ASNS: variants seen among roughly 807,000 people sequenced by gnomAD.
ASNS encodes asparagine synthetase (glutamine-hydrolyzing), also known as asparagine synthetase [glutamine-hydrolyzing].
A neutral mutation model predicts 62.6 loss-of-function variants in ASNS; 37 were observed. The observed-to-expected ratio is 0.59, with a 90% CI of 0.45 to 0.78. ASNS has a LOEUF of 0.78. Ranked by LOEUF, ASNS falls within the 30% of genes least tolerant of loss-of-function variation. ASNS has a pLI of 0.00. For synonymous variants in ASNS, 207 were observed against 237.9 expected (o/e 0.87, Z 1.19); for missense variants, 520 against 682.4 (o/e 0.76, Z 2.65).
At chr7:97,853,606 AAACT>A (rs1159326105) in intron 10 of ASNS, among the ~76,000 whole-genome samples, 3 of 152,210 alleles carry the variant, frequency 2.0e-5, no homozygotes, top group African/African-American at 7.2e-5. Flanking sequence ...CTAGGGAGTA[AAACT>A]AACTGAGACT....
At chr7:97,927,532 C>G in the ASNS span, among the ~76,000 whole-genome samples, 14 of 152,362 alleles carry the variant, frequency 9.2e-5, no homozygotes, top group East Asian at 2.3e-3. Context: ...GACTCGCGTT[C>G]CCAAGGTCCC....
chr7:97,858,515 A>G (rs1791566315), intron 6 of ASNS, 110 bp from the exon 7 acceptor site: 1 of 1,379,980 alleles, frequency 7.2e-7, no homozygotes, highest in Non-Finnish European at 9.8e-7. Context: ...TACTATTTAA[A>G]ATCCGCCAAG....
the ASNS span, among the ~76,000 whole-genome samples, chr7:97,925,083 G>T: frequency 6.6e-6 from 1 of 152,200 alleles, no homozygotes; most frequent in African/African-American, 2.4e-5. Context: ...GTTGCAGTGA[G>T]CAGAGATCAT....
the ASNS span, among the ~76,000 whole-genome samples, chr7:97,882,760 T>C: frequency 6.6e-6 from 1 of 151,580 alleles, no homozygotes; most frequent in Non-Finnish European, 1.5e-5. Context: ...TAATGGAAAA[T>C]AAGGTTGTGT....
At chr7:97,903,242 GT>G in the ASNS span, among the ~76,000 whole-genome samples, 116,612 of 142,772 alleles carry the variant, frequency 0.82, 47,728 homozygotes, top group East Asian at 0.91. Flanking sequence ...AAGATCCAGA[GT>G]TTTTTTTTTT....
At chr7:97,912,111 C>A in the ASNS span, among the ~76,000 whole-genome samples, 2 of 152,146 alleles carry the variant, frequency 1.3e-5, no homozygotes, top group South Asian at 4.1e-4. Flanking sequence ...GCAAGTTTAG[C>A]GCAATGCAGC....
At chr7:97,886,936 C>T in the ASNS span, among the ~76,000 whole-genome samples, 1 of 152,088 alleles carries the variant, frequency 6.6e-6, no homozygotes, top group Non-Finnish European at 1.5e-5. Context: ...ACTGAGTGCC[C>T]CCCACATAGA....
At chr7:97,904,685 T>G in the ASNS span, among the ~76,000 whole-genome samples, 1 of 151,268 alleles carries the variant, frequency 6.6e-6, no homozygotes, top group Non-Finnish European at 1.5e-5. Context: ...ACAGGAGAAT[T>G]GGATACATTA....
chr7:97,892,930 C>G, the ASNS span, among the ~76,000 whole-genome samples: 31 of 152,326 alleles, frequency 2.0e-4, no homozygotes, highest in South Asian at 6.2e-3. Flanking sequence ...TCCACATATT[C>G]AGGTATCTTT....
At chr7:97,856,374 G>A (rs1184931008) in intron 8 of ASNS, among the ~76,000 whole-genome samples, 2 of 152,172 alleles carry the variant, frequency 1.3e-5, no homozygotes, top group Admixed American at 6.5e-5. Flanking sequence ...TTTCCTCACT[G>A]TATATAGACT....
the ASNS span, among the ~76,000 whole-genome samples, chr7:97,891,975 T>A: frequency 7.9e-5 from 12 of 152,204 alleles, no homozygotes; most frequent in Admixed American, 3.9e-4. Context: ...ATGTGGGGGC[T>A]CCGACCCCAC....
the ASNS span, among the ~76,000 whole-genome samples, chr7:97,904,829 T>C: frequency 6.6e-6 from 1 of 152,252 alleles, no homozygotes; most frequent in Non-Finnish European, 1.5e-5. Context: ...CTTTCAACAA[T>C]AGGCACATTT....
At chr7:97,885,678 A>G in the ASNS span, among the ~76,000 whole-genome samples, 3 of 152,400 alleles carry the variant, frequency 2.0e-5, no homozygotes, top group East Asian at 5.8e-4. Context: ...ATTTTGTAGT[A>G]ACCACATTTT....
In ASNS at chr7:97,864,436, G is replaced by A. The variant is rs752787648; in HGVS notation, c.310C>T (p.Leu104Phe). 4 of 1,613,856 alleles carry A rather than the reference G, an allele frequency of 2.5e-6. No homozygotes were observed. The highest frequency in any genetic ancestry group is 3.3e-5 in the Admixed American group (2 of 60,006). Residue 104 changes from leucine to phenylalanine, a missense_variant, in exon 4 of 13, where the codon CTT (leucine) becomes TTT (phenylalanine). Physicochemically the swap from Leu to Phe is conservative, Grantham distance 22. Transcript: ENST00000394308. ...TKVDGEIILH[L>F]YDKGGIEQTI... Reference sequence around the variant, plus strand: ...TGCTCAATTCCTCCTTTGTCATAAAGATGAAGGATTATCTCACCATCCACT... The same window carrying A: ...TGCTCAATTCCTCCTTTGTCATAAAAATGAAGGATTATCTCACCATCCACT...
the ASNS span, among the ~76,000 whole-genome samples, chr7:97,918,697 G>A: frequency 4.6e-5 from 7 of 152,124 alleles, no homozygotes; most frequent in Admixed American, 1.3e-4. Flanking sequence ...CAAACTCTGC[G>A]GGTTCTCACT....
chr7:97,860,980 C>T (rs2115676966), intron 4 of ASNS, among the ~76,000 whole-genome samples: 1 of 149,146 alleles, frequency 6.7e-6, no homozygotes, highest in East Asian at 2.0e-4. Flanking sequence ...TAGTTTTAGC[C>T]CTTACATTTA....
At chr7:97,917,757 C>T in the ASNS span, among the ~76,000 whole-genome samples, 2 of 152,214 alleles carry the variant, frequency 1.3e-5, no homozygotes, top group African/African-American at 4.8e-5. Flanking sequence ...CTGGGCTTGG[C>T]ACTAAAGACA....
chr7:97,866,122 G>A (rs568405054), intron 3 of ASNS, among the ~76,000 whole-genome samples: 8 of 152,212 alleles, frequency 5.3e-5, no homozygotes, highest in South Asian at 2.1e-4. Flanking sequence ...ACTAAAAAAC[G>A]TGTCTTTTGC....
intron 4 of ASNS, 148 bp from the exon 5 acceptor site, chr7:97,859,546 T>C (rs1300291696): frequency 3.6e-6 from 3 of 831,794 alleles, no homozygotes; most frequent in Non-Finnish European, 5.1e-6. Flanking sequence ...AAAAATTTTC[T>C]ATTTTCCTAA....
Sources: gnomAD v4.1 joint callset for allele counts (sites outside exome capture counted in the v4.1 genomes callset) on GRCh38, gnomAD v4.1.1 for gene constraint, MANE v1.5 for transcripts, NCBI Gene and HGNC (gene_info 2026-07-23, HGNC 2026-07-21) for gene names.